The following TVP23C variants were observed in gnomAD, a reference collection of about 807,000 sequenced individuals.
TVP23C encodes the protein trans-golgi network vesicle protein 23 homolog C, also known as Golgi apparatus membrane protein TVP23 homolog C.
TVP23C carries 19 observed loss-of-function variants against 28.7 expected under a neutral mutation model. The ratio of observed to expected loss-of-function variants is 0.66; its 90% CI spans 0.46 to 0.97. The LOEUF (loss-of-function observed/expected upper bound fraction) is 0.97. Ranked by LOEUF, TVP23C falls within the 50% of genes least tolerant of loss-of-function variation. The pLI, the probability that TVP23C is intolerant of heterozygous loss-of-function variation, is 0.00. For synonymous variants in TVP23C, 68 were observed against 81.7 expected, an observed-to-expected ratio of 0.83 and a Z score of 0.90; for missense variants, 186 against 241.3, an observed-to-expected ratio of 0.77 and a Z score of 1.52.
At chr17:15,551,010 G>A (rs1291328519) in intron 3 of TVP23C, among the ~76,000 whole-genome samples, 1 of 152,128 alleles carries the variant, frequency 6.6e-6, no homozygotes, top group African/African-American at 2.4e-5. Context: ...TTCCTTGACA[G>A]TTGCTTTGTT....
chr17:15,560,190 C>T (rs549119881), intron 1 of TVP23C, among the ~76,000 whole-genome samples: 5 of 149,536 alleles, frequency 3.3e-5, no homozygotes, highest in African/African-American at 9.7e-5. Context: ...CTCAGCCTCC[C>T]GAGTAGCTGA....
intron 5 of TVP23C, among the ~76,000 whole-genome samples, chr17:15,513,458 G>A (rs1567631095): frequency 6.6e-6 from 1 of 152,156 alleles, no homozygotes; most frequent in Non-Finnish European, 1.5e-5. Flanking sequence ...AAGTATAGAG[G>A]AAGCTCCAGC....
intron 5 of TVP23C, among the ~76,000 whole-genome samples, chr17:15,522,627 A>G (rs1982526784): frequency 6.6e-6 from 1 of 152,274 alleles, no homozygotes; most frequent in East Asian, 1.9e-4. Flanking sequence ...GCAGCATTTT[A>G]TAACTTTAAA....
chr17:15,503,114 G>T lies in TVP23C; in HGVS notation c.581C>A (p.Ser194Ter), dbSNP rs769436264. ...AATGTCTACCTGATGAAACTTCCTC[G>T]AGGGATGGCCCGGGCAGCGGCTCAC... is the stretch of plus-strand genomic sequence containing the variant. The change falls in exon 6 of 6, where the codon TCG becomes TAG. Residue 194 changes from serine to a stop codon, truncating the protein, a stop_gained. Transcript: ENST00000225576. LOFTEE classifies it low-confidence loss of function (END_TRUNC). The T allele has an allele frequency of 6.2e-7, 1 of 1,613,358 alleles. No homozygotes were observed. The highest frequency in any genetic ancestry group is 1.7e-5 in the Admixed American group (1 of 59,916).
intron 5 of TVP23C, among the ~76,000 whole-genome samples, chr17:15,508,470 C>A (rs1256174352): frequency 1.3e-5 from 2 of 152,192 alleles, no homozygotes; most frequent in Admixed American, 1.3e-4. Context: ...TCAGGTCCTG[C>A]AGATGCTCAC....
In TVP23C at chr17:15,538,607, T is replaced by A. The variant is rs1597529752; in HGVS notation, c.*1805A>T. ...CTCTGTCTCAAAAAAAATAAATAAA[T>A]AAAAAAGTAGACATGCGCTAATGAA... On this transcript the variant is annotated 3_prime_UTR_variant, in exon 6 of 6. Transcript: ENST00000518321. 1.0e-6 allele frequency: 1 copy of A among 984,396 alleles called. No homozygotes were observed. The highest frequency in any genetic ancestry group is 1.2e-6 in the Non-Finnish European group (1 of 829,306). The allele number at this position is 984,396 out of a possible 1,614,324, so 61.0% of individuals were successfully genotyped here.
intron 5 of TVP23C, among the ~76,000 whole-genome samples, chr17:15,510,852 G>A (rs188861254): frequency 6.6e-6 from 1 of 152,070 alleles, no homozygotes; most frequent in African/African-American, 2.4e-5. Context: ...TCAAGAGTTC[G>A]AGACCAGCCT....
chr17:15,526,700 G>T (rs1452757136), intron 5 of TVP23C, among the ~76,000 whole-genome samples: 1 of 152,128 alleles, frequency 6.6e-6, no homozygotes, highest in African/African-American at 2.4e-5. Flanking sequence ...TACATCATAT[G>T]TTAGTATATT....
chr17:15,514,189 C>T (rs1039222826), intron 5 of TVP23C, among the ~76,000 whole-genome samples: 7 of 152,188 alleles, frequency 4.6e-5, no homozygotes, highest in Non-Finnish European at 8.8e-5. Flanking sequence ...AATCTTCTTT[C>T]GAGTTGGAGC....
exon 6 of TVP23C, chr17:15,502,880 G>A: frequency 6.3e-7 from 1 of 1,590,010 alleles, no homozygotes; most frequent in African/African-American, 1.4e-5. Flanking sequence ...CATTCCGGAT[G>A]CCAGATGAAA....
intron 5 of TVP23C, among the ~76,000 whole-genome samples, chr17:15,515,536 G>T (rs141846599): frequency 5.6e-4 from 86 of 152,250 alleles, no homozygotes; most frequent in African/African-American, 2.0e-3. Flanking sequence ...CACGAGATAC[G>T]ATTTTCATGC....
intron 5 of TVP23C, among the ~76,000 whole-genome samples, chr17:15,524,316 T>C (rs1164901935): frequency 6.6e-6 from 1 of 152,158 alleles, no homozygotes; most frequent in East Asian, 1.9e-4. Flanking sequence ...ACTCCAAATA[T>C]GAGTTTTTCC....
At chr17:15,516,071 C>T (rs111800075) in intron 5 of TVP23C, among the ~76,000 whole-genome samples, 3 of 152,280 alleles carry the variant, frequency 2.0e-5, no homozygotes, top group African/African-American at 7.2e-5. Context: ...TCCCTGAGGC[C>T]TCCCCAGAAG....
chr17:15,543,694 T>C (rs1031632814), intron 5 of TVP23C, among the ~76,000 whole-genome samples: 1 of 150,634 alleles, frequency 6.6e-6, no homozygotes, highest in Non-Finnish European at 1.5e-5. Flanking sequence ...TTTTTTACTG[T>C]TTATCTACCT....
At chr17:15,517,393 A>T (rs1982275278) in intron 5 of TVP23C, among the ~76,000 whole-genome samples, 1 of 152,232 alleles carries the variant, frequency 6.6e-6, no homozygotes, top group Non-Finnish European at 1.5e-5. Context: ...ACAGGTGCAC[A>T]GTAGTTAAGA....
chr17:15,509,489 C>T (rs2150828074), intron 5 of TVP23C, among the ~76,000 whole-genome samples: 1 of 152,326 alleles, frequency 6.6e-6, no homozygotes, highest in African/African-American at 2.4e-5. Context: ...CCAGCTGCAC[C>T]TTTGCGAGTT....
rs184336284 is a variant in TVP23C, at chr17:15,551,168, G to C, written c.240+2517C>G. ...GTCTTGCTCTGTTGCCCAGGCTAGA[G>C]TGCAGTGGCGCGATCTCGGCTCACT... On this transcript the variant is annotated intron_variant, in intron 3 of 5. Coordinates refer to ENST00000518321, the MANE Select transcript of TVP23C (RefSeq NM_001135036.2). Among the ~76,000 whole-genome samples the C allele has an allele frequency of 3.7e-3, 559 of 151,364 alleles. 6 individuals carry two copies. Among genetic ancestry groups the C allele is most frequent in the Admixed American group, 0.016 (239 of 15,216 alleles).
At chr17:15,502,669 T>C in exon 6 of TVP23C, 9 of 972,150 alleles carry the variant, frequency 9.3e-6, no homozygotes, top group East Asian at 6.0e-5. Flanking sequence ...TCTTCTGCCC[T>C]TTTCCCCTTA....
Position 15,502,732 on chromosome 17 carries a change from T to TC in TVP23C, c.*131_*132insG. 22 of 827,018 alleles carry TC rather than the reference T, an allele frequency of 2.7e-5. No individual in the cohort carries two copies. In the South Asian group the frequency reaches 4.6e-4, roughly 17 times the overall value. 51.2% of individuals were successfully genotyped at this position (827,018 alleles called of 1,614,324 possible). On this transcript the variant is annotated 3_prime_UTR_variant, in exon 6 of 6. Coordinates refer to the TVP23C transcript ENST00000225576. ...CTTTCTCTCTCTCCTCTCTCTCTCT[T>TC]TCTCTCTCCTCTCTCCCGTCTCTTT... is the stretch of plus-strand genomic sequence containing the variant.
Sources: allele counts gnomAD v4.1 joint callset (sites outside exome capture counted in the v4.1 genomes callset), GRCh38; gene constraint gnomAD v4.1.1; transcripts MANE v1.5; gene names NCBI Gene and HGNC (gene_info 2026-07-23, HGNC 2026-07-21).